LAMA2: variants seen among roughly 807,000 people sequenced by gnomAD.
The protein encoded by LAMA2 is laminin subunit alpha-2.
Under a neutral mutation model 364.8 loss-of-function variants are expected in LAMA2, and 269 were observed. The ratio of observed to expected loss-of-function variants is 0.74; its 90% CI spans 0.67 to 0.82. The LOEUF is 0.82. LAMA2 is among the 40% of genes least tolerant of loss of function. The pLI, the probability that LAMA2 is intolerant of heterozygous loss-of-function variation, is 0.00. For missense variants in LAMA2, 3,807 were observed against 3,873.2 expected (o/e 0.98, Z 0.45); for synonymous variants, 1,379 against 1,370.6 (o/e 1.01, Z -0.14).
chr6:128,900,509 T>G (rs1191931295), intron 1 of LAMA2, among the ~76,000 whole-genome samples: 1 of 152,162 alleles, frequency 6.6e-6, no homozygotes, highest in African/African-American at 2.4e-5. Flanking sequence ...TTGAAAAAAC[T>G]ATGAAGATGG....
At chr6:129,011,194 C>A (rs1582867979) in intron 1 of LAMA2, among the ~76,000 whole-genome samples, 1 of 152,170 alleles carries the variant, frequency 6.6e-6, no homozygotes, top group East Asian at 1.9e-4. Flanking sequence ...AACCGACTTA[C>A]TATTCTTTGT....
chr6:129,512,298 G>T, intron 62 of LAMA2, 65 bp from the exon 63 acceptor site: 2 of 1,453,796 alleles, frequency 1.4e-6, no homozygotes, highest in South Asian at 1.1e-5. Flanking sequence ...GTCATGCATT[G>T]TACACGTTTG....
Position 129,316,041 on chromosome 6 carries a change from G to T in LAMA2, c.3928G>T (p.Glu1310Ter), listed in dbSNP as rs755643402. ...TGATTTCTCTTCTTGTTAACAGAAAGAATGGAAATATTATGGGGATGATCC... is the reference window on the plus strand; with the variant it reads ...TGATTTCTCTTCTTGTTAACAGAAATAATGGAAATATTATGGGGATGATCC... ...TRHEIEMTEKEWKYYGDDPRV... is the reference protein window; with the variant it reads ...TRHEIEMTEK Residue 1310 changes from glutamate (E) to a stop codon, truncating the protein, a stop_gained, in exon 27 of 65, where the codon GAA (glutamate) becomes TAA (stop). Transcript: ENST00000421865. LOFTEE classifies it high-confidence loss of function. 2 of 1,614,080 alleles carry T rather than the reference G, an allele frequency of 1.2e-6. No individual in the cohort carries two copies. Among genetic ancestry groups the T allele is most frequent in the South Asian group, 1.1e-5 (1 of 91,076 alleles).
At position 128,930,466 on chromosome 6, in the gene LAMA2, C is replaced by G. The variant is rs116191553; in HGVS notation, c.112+47109C>G. Among the ~76,000 whole-genome samples the G allele has an allele frequency of 2.9e-3, 443 of 152,212 alleles. 2 individuals carry two copies. The highest frequency in any genetic ancestry group is 9.9e-3 in the African/African-American group (413 of 41,528). On this transcript the variant is annotated intron_variant, in intron 1 of 64. Transcript: ENST00000421865. Reference sequence around the variant, plus strand: ...TTAGATTGAATACGAGTTTTACAAGCCAGTGCATAATTCGCCATGCTATAG... The same window carrying G: ...TTAGATTGAATACGAGTTTTACAAGGCAGTGCATAATTCGCCATGCTATAG...
At chr6:129,198,185 G>T in intron 12 of LAMA2, among the ~76,000 whole-genome samples, 1 of 151,878 alleles carries the variant, frequency 6.6e-6, no homozygotes, top group East Asian at 1.9e-4. Flanking sequence ...GACAAAGGAG[G>T]TAGTGTTTAT....
chr6:129,396,628 C>T (rs753738572), intron 37 of LAMA2, among the ~76,000 whole-genome samples: 1 of 151,830 alleles, frequency 6.6e-6, no homozygotes, highest in Non-Finnish European at 1.5e-5. Context: ...GAACTGGGGA[C>T]GTCATGGGAA....
intron 7 of LAMA2, among the ~76,000 whole-genome samples, chr6:129,149,380 T>C (rs1778663836): frequency 6.6e-6 from 1 of 152,112 alleles, no homozygotes; most frequent in Non-Finnish European, 1.5e-5. Flanking sequence ...AGAAAAGACC[T>C]AAAAATAGTC....
At chr6:129,168,078 G>A (rs2114997659) in intron 9 of LAMA2, among the ~76,000 whole-genome samples, 1 of 146,476 alleles carries the variant, frequency 6.8e-6, no homozygotes, top group Non-Finnish European at 1.5e-5. Flanking sequence ...TTTGTCAGAT[G>A]AGTAGGTTGC....
intron 4 of LAMA2, among the ~76,000 whole-genome samples, chr6:129,123,613 A>G (rs944808954): frequency 5.3e-5 from 8 of 150,802 alleles, no homozygotes; most frequent in African/African-American, 2.0e-4. Flanking sequence ...ACATTATGTT[A>G]AGTGAAGTAA....
chr6:129,189,001 C>T (rs1375728524), intron 10 of LAMA2, among the ~76,000 whole-genome samples: 1 of 151,956 alleles, frequency 6.6e-6, no homozygotes, highest in Non-Finnish European at 1.5e-5. Flanking sequence ...ACATGACTGC[C>T]AAGAGATTTA....
intron 1 of LAMA2, among the ~76,000 whole-genome samples, chr6:128,901,698 G>A (rs1345441900): frequency 1.3e-5 from 2 of 152,180 alleles, no homozygotes; most frequent in Non-Finnish European, 2.9e-5. Context: ...CATTAAGTTT[G>A]TGGAATCTCT....
intron 29 of LAMA2, among the ~76,000 whole-genome samples, chr6:129,340,294 A>G (rs1776188435): frequency 6.6e-6 from 1 of 152,124 alleles, no homozygotes. Context: ...GAGACCTCAC[A>G]GATTTTTTTT....
intron 37 of LAMA2, among the ~76,000 whole-genome samples, chr6:129,398,797 A>G (rs1288379240): frequency 3.3e-5 from 5 of 152,176 alleles, no homozygotes; most frequent in Admixed American, 6.5e-5. Context: ...TTATTAAAAA[A>G]TATTTATTGA....
chr6:129,422,981 A>G (rs931491647), intron 40 of LAMA2, among the ~76,000 whole-genome samples: 5 of 152,214 alleles, frequency 3.3e-5, no homozygotes, highest in African/African-American at 1.2e-4. Flanking sequence ...TACTCAAAGG[A>G]TTATACATGA....
At chr6:129,483,759 A>T (rs1784466224) in intron 55 of LAMA2, among the ~76,000 whole-genome samples, 1 of 152,184 alleles carries the variant, frequency 6.6e-6, no homozygotes, top group African/African-American at 2.4e-5. Context: ...ATGTTAATTC[A>T]TGTATAACTG....
chr6:129,181,418 T>G (rs80278559), intron 10 of LAMA2, among the ~76,000 whole-genome samples: 2,919 of 151,752 alleles, frequency 0.019, 111 homozygotes, highest in African/African-American at 0.066. Context: ...TGTACAATTA[T>G]AAAAGCATGA....
intron 1 of LAMA2, among the ~76,000 whole-genome samples, chr6:128,971,004 G>T (rs1782157098): frequency 6.6e-6 from 1 of 152,096 alleles, no homozygotes; most frequent in Admixed American, 6.5e-5. Context: ...TCTACTGCTG[G>T]CATGTGGAAT....
intron 51 of LAMA2, among the ~76,000 whole-genome samples, chr6:129,471,618 A>G (rs532337161): frequency 6.6e-6 from 1 of 152,030 alleles, no homozygotes; most frequent in Admixed American, 6.6e-5. Context: ...AAAGGAATGT[A>G]TATGAAAAAG....
chr6:129,086,025 C>A (rs1239800537), intron 3 of LAMA2, among the ~76,000 whole-genome samples: 1 of 152,218 alleles, frequency 6.6e-6, no homozygotes, highest in Non-Finnish European at 1.5e-5. Context: ...TTTATTTACA[C>A]TCTTCACACT....
Sources: allele counts gnomAD v4.1 joint callset (sites outside exome capture counted in the v4.1 genomes callset), GRCh38; gene constraint gnomAD v4.1.1; transcripts MANE v1.5; gene names NCBI Gene and HGNC (gene_info 2026-07-23, HGNC 2026-07-21).